CFAP97: variants seen among roughly 807,000 people sequenced by gnomAD.
The protein encoded by CFAP97 is cilia and flagella associated protein 97, also known as cilia- and flagella-associated protein 97.
A neutral mutation model predicts 43.1 loss-of-function variants in CFAP97; 36 were observed. The observed-to-expected ratio is 0.84, with a 90% CI of 0.64 to 1.10. The LOEUF (loss-of-function observed/expected upper bound fraction) is 1.10, where lower values mean the gene tolerates loss of function less well. Among genes scored for constraint, CFAP97 ranks in the 50% least tolerant of loss-of-function variants. The pLI is 0.00. For missense variants in CFAP97, 657 were observed against 620.3 expected, an observed-to-expected ratio of 1.06 and a Z score of -0.63; for synonymous variants, 228 against 225.7, an observed-to-expected ratio of 1.01 and a Z score of -0.09.
chr4:185,189,343 C>T (rs1352116517), intron 2 of CFAP97, among the ~76,000 whole-genome samples: 1 of 152,206 alleles, frequency 6.6e-6, no homozygotes, highest in Non-Finnish European at 1.5e-5. Flanking sequence ...TATGCCCTTA[C>T]ATTGCTACCA....
chr4:185,184,311 C>T (rs941086785), intron 2 of CFAP97, among the ~76,000 whole-genome samples: 2 of 152,210 alleles, frequency 1.3e-5, no homozygotes. Flanking sequence ...TATTTTCCTC[C>T]TACTTCACAG....
intron 2 of CFAP97, among the ~76,000 whole-genome samples, chr4:185,185,634 T>A (rs1735976770): frequency 3.4e-5 from 1 of 29,682 alleles, no homozygotes; most frequent in Non-Finnish European, 7.8e-5. Flanking sequence ...TTTGCCAACC[T>A]TTTTTTTTTT....
In CFAP97 at chr4:185,162,820, T is replaced by G; in HGVS notation, c.1577A>C (p.Asn526Thr). Residue 526 changes from asparagine (N) to threonine (T), a missense_variant, in exon 5 of 5, where the codon AAT (asparagine) becomes ACT (threonine). Transcript: ENST00000458385. Reference protein sequence around the residue: ...GHPRRRPKPPNVRTAWL With the variant: ...GHPRRRPKPPTVRTAWL ...GTTTTATAACCAAGCTGTACGGACA[T>G]TAGGGGGTTTAGGTCTTCTTCGAGG... is the stretch of plus-strand genomic sequence containing the variant. 1 of 1,612,980 alleles carries G rather than the reference T, an allele frequency of 6.2e-7. No homozygotes were observed. Among genetic ancestry groups the G allele is most frequent in the Non-Finnish European group, 8.5e-7 (1 of 1,179,568 alleles).
At chr4:185,210,189 G>T, upstream of CFAP97, 1 of 985,060 alleles carries the variant, frequency 1.0e-6, no homozygotes, top group Non-Finnish European at 1.2e-6. This position sits in a 1 kb window ranked among gnomAD's most constrained non-coding sequence, Gnocchi z 4.4. Context: ...CGCGCGCCCA[G>T]CCGCCCGACT....
intron 2 of CFAP97, among the ~76,000 whole-genome samples, chr4:185,179,140 C>T (rs1735679783): frequency 6.6e-6 from 1 of 151,904 alleles, no homozygotes; most frequent in Middle Eastern, 3.4e-3. Context: ...CTCAAAGAGC[C>T]ATGGCTGAGA....
chr4:185,168,605 C>T (rs1475729137), intron 3 of CFAP97, among the ~76,000 whole-genome samples: 1 of 150,368 alleles, frequency 6.7e-6, no homozygotes, highest in Non-Finnish European at 1.5e-5. Context: ...CAAAAAATAA[C>T]AATAAAAGAC....
intron 2 of CFAP97, among the ~76,000 whole-genome samples, chr4:185,185,766 C>T (rs1735984205): frequency 6.6e-6 from 1 of 151,682 alleles, no homozygotes; most frequent in Non-Finnish European, 1.5e-5. Flanking sequence ...CCTCCCCCCG[C>T]AGCTGGGACT....
At chr4:185,175,164 G>C (rs781391003) in intron 3 of CFAP97, among the ~76,000 whole-genome samples, 4 of 152,108 alleles carry the variant, frequency 2.6e-5, no homozygotes, top group Admixed American at 2.0e-4. Flanking sequence ...ACCATTTCCT[G>C]TTCTACTGTA....
rs1392326315 is a variant in CFAP97 at position 185,202,547 on chromosome 4, C to CAA, written c.-17+1349_-17+1350dup. Among the ~76,000 whole-genome samples, 18 of 145,912 alleles carry CAA rather than the reference C, an allele frequency of 1.2e-4. 1 individual carries two copies. Among genetic ancestry groups the CAA allele is most frequent in the Non-Finnish European group, 1.7e-4 (11 of 65,942 alleles). ...TAGGCAACAGAGTGAGATCCTATCT[C>CAA]AAAAAACAAACAAACAAAAAAAATC... On this transcript the variant is annotated intron_variant, in intron 1 of 4. Transcript: ENST00000458385.
intron 3 of CFAP97, among the ~76,000 whole-genome samples, chr4:185,171,827 C>T (rs939995814): frequency 6.6e-6 from 1 of 152,186 alleles, no homozygotes; most frequent in African/African-American, 2.4e-5. Context: ...GCCTTGACCT[C>T]CCAGGCCCAT....
rs145909805 is a variant in CFAP97, at chr4:185,190,624, T to C, written c.573A>G (p.Ala191=). 388 of 1,599,402 alleles carry C rather than the reference T, an allele frequency of 2.4e-4. 2 individuals are homozygous for C. The African/African-American group carries it at 4.4e-3, about 18-fold the overall frequency. ...AATCAGATAGATGGCTATCAGACCC[T>C]GCATCTAAACAATCTGTACCTGAAC... is the stretch of plus-strand genomic sequence containing the variant. The part of the protein sequence containing the change: ...SSGSGTDCLD[A]GSDSHLSDSS... The change falls in exon 2 of 5, where the codon GCA becomes GCG. Residue 191 remains alanine (A), a synonymous_variant. Transcript: ENST00000458385.
At chr4:185,197,600 G>C (rs1736615613) in intron 1 of CFAP97, among the ~76,000 whole-genome samples, 1 of 151,884 alleles carries the variant, frequency 6.6e-6, no homozygotes, top group South Asian at 2.1e-4. Flanking sequence ...GCTAATTTTT[G>C]TATTTTTAGT....
At chr4:185,174,813 A>G (rs1226181158) in intron 3 of CFAP97, among the ~76,000 whole-genome samples, 2 of 152,216 alleles carry the variant, frequency 1.3e-5, no homozygotes, top group African/African-American at 4.8e-5. Flanking sequence ...CAATAAGTTA[A>G]TATTTGGAAG....
intron 2 of CFAP97, among the ~76,000 whole-genome samples, chr4:185,186,207 T>C (rs566279821): frequency 2.0e-5 from 3 of 152,190 alleles, no homozygotes; most frequent in Admixed American, 2.0e-4. Flanking sequence ...CCGAAGCAGG[T>C]GGATCACCTG....
At chr4:185,184,443 G>A (rs1281739232) in intron 2 of CFAP97, among the ~76,000 whole-genome samples, 2 of 152,142 alleles carry the variant, frequency 1.3e-5, no homozygotes, top group African/African-American at 2.4e-5. Flanking sequence ...GATGTTGACT[G>A]GGCCAAATTT....
chr4:185,177,819 A>G (rs1735614781), intron 2 of CFAP97, among the ~76,000 whole-genome samples: 1 of 152,214 alleles, frequency 6.6e-6, no homozygotes, highest in Non-Finnish European at 1.5e-5. Flanking sequence ...TGGGCGACAG[A>G]GCAAGACTCC....
At chr4:185,169,275 AC>A (rs1186040481) in intron 3 of CFAP97, 1 of 152,126 alleles carries the variant, frequency 6.6e-6, no homozygotes, top group Non-Finnish European at 1.5e-5. Context: ...GGAGGGAGGG[AC>A]TTGGTGGAAG....
intron 4 of CFAP97, 38 bp from the exon 5 acceptor site, chr4:185,162,963 T>C: frequency 6.7e-7 from 1 of 1,490,750 alleles, no homozygotes; most frequent in Non-Finnish European, 8.9e-7. Flanking sequence ...GAGAAACTTC[T>C]CCTCACTTGA....
rs1477848796 is a variant in CFAP97, at chr4:185,161,559, T to C, written c.*1239A>G. On this transcript the variant is annotated 3_prime_UTR_variant, in exon 5 of 5. Transcript: ENST00000458385. ...TAGTAGTGAAAAACGGCGGTAACAA[T>C]GAGATAACATACTTTGTTATATAAA... The C allele has an allele frequency of 3.9e-5, 6 of 152,092 alleles. No homozygotes were observed. Among genetic ancestry groups the C allele is most frequent in the Admixed American group, 3.9e-4 (6 of 15,262 alleles). The allele number at this position is 152,092 out of a possible 1,614,324, so 9.4% of individuals were successfully genotyped here.
Sources: allele counts gnomAD v4.1 joint callset (sites outside exome capture counted in the v4.1 genomes callset), GRCh38; gene constraint gnomAD v4.1.1; non-coding constraint Gnocchi (gnomAD v3.1); transcripts MANE v1.5; gene names NCBI Gene and HGNC (gene_info 2026-07-23, HGNC 2026-07-21).